RABGAP1L: variants seen among roughly 807,000 people sequenced by gnomAD.
RABGAP1L encodes RAB GTPase activating protein 1 like, also known as rab GTPase-activating protein 1-like.
Under a neutral mutation model 137.7 loss-of-function variants are expected in RABGAP1L, and 63 were observed. The observed-to-expected ratio is 0.46, with a 90% confidence interval of 0.37 to 0.56. The LOEUF is 0.56. Among genes scored for constraint, RABGAP1L ranks in the 20% least tolerant of loss-of-function variants. The pLI is 0.00. For missense variants in RABGAP1L, 1,095 were observed against 1,244.0 expected (o/e 0.88, Z 1.80); for synonymous variants, 431 against 433.7 (o/e 0.99, Z 0.08).
intron 7 of RABGAP1L, among the ~76,000 whole-genome samples, 176 bp from the exon 8 acceptor site, chr1:174,272,238 T>C (rs576702121): frequency 6.6e-6 from 1 of 152,110 alleles, no homozygotes; most frequent in Admixed American, 6.5e-5. Flanking sequence ...CTTATTTCTG[T>C]GTGATTTTAT....
chr1:174,242,643 C>A (rs527799076), intron 5 of RABGAP1L, among the ~76,000 whole-genome samples: 1 of 152,280 alleles, frequency 6.6e-6, no homozygotes, highest in Non-Finnish European at 1.5e-5. Context: ...CCCTGGTGAT[C>A]AGTTTGCTTT....
chr1:174,953,103 T>C (rs1017522863), intron 19 of RABGAP1L, among the ~76,000 whole-genome samples: 1 of 150,382 alleles, frequency 6.6e-6, no homozygotes, highest in African/African-American at 2.5e-5. Flanking sequence ...AAATAAGATA[T>C]GAAAGTAAGA....
intron 13 of RABGAP1L, among the ~76,000 whole-genome samples, chr1:174,421,464 T>A (rs931619131): frequency 1.3e-5 from 2 of 152,252 alleles, no homozygotes; most frequent in African/African-American, 2.4e-5. Flanking sequence ...CCAGAATTTT[T>A]AAACTATTTT....
chr1:174,223,018 C>G (rs202238958), intron 3 of RABGAP1L, among the ~76,000 whole-genome samples: 1 of 151,812 alleles, frequency 6.6e-6, no homozygotes, highest in East Asian at 1.9e-4. Context: ...GCCTGTAATC[C>G]CACCACTTTG....
At chr1:174,740,004 G>C (rs1683253289) in intron 17 of RABGAP1L, among the ~76,000 whole-genome samples, 1 of 152,036 alleles carries the variant, frequency 6.6e-6, no homozygotes, top group Admixed American at 6.5e-5. Flanking sequence ...CGATCCTCAG[G>C]GTATATTATT....
At chr1:174,987,622 G>GC (rs1457839953) in intron 24 of RABGAP1L, among the ~76,000 whole-genome samples, 2 of 152,176 alleles carry the variant, frequency 1.3e-5, no homozygotes, top group African/African-American at 4.8e-5. Context: ...AGGAGGATGG[G>GC]CACGGTGATG....
intron 13 of RABGAP1L, among the ~76,000 whole-genome samples, chr1:174,454,779 G>C (rs1381515546): frequency 6.6e-6 from 1 of 151,836 alleles, no homozygotes; most frequent in Non-Finnish European, 1.5e-5. Context: ...TCGATCTCCT[G>C]ACCTCCTCGT....
At chr1:174,820,251 C>T (rs567845539) in intron 19 of RABGAP1L, among the ~76,000 whole-genome samples, 1 of 152,212 alleles carries the variant, frequency 6.6e-6, no homozygotes. Flanking sequence ...AAAGGAAGGA[C>T]ATGGGGCCAG....
chr1:174,807,169 T>C (rs1429351027), intron 18 of RABGAP1L, among the ~76,000 whole-genome samples: 1 of 152,182 alleles, frequency 6.6e-6, no homozygotes, highest in Non-Finnish European at 1.5e-5. Flanking sequence ...TATGTAATGA[T>C]GGGGTAAAGG....
At chr1:174,875,746 G>C in intron 19 of RABGAP1L, 1 of 956,762 alleles carries the variant, frequency 1.0e-6, no homozygotes, top group Non-Finnish European at 1.2e-6. Flanking sequence ...ATAATGCCTT[G>C]TCTCCTGATT....
In RABGAP1L at chr1:174,924,541, G is replaced by A. The variant is rs114058970; in HGVS notation, c.2341-32916G>A. 7.6e-3 allele frequency among the ~76,000 whole-genome samples: 1,151 copies of A among 152,146 alleles called. 10 individuals carry two copies. Among genetic ancestry groups the A allele is most frequent in the Non-Finnish European group, 0.011 (731 of 67,990 alleles). On this transcript the variant is annotated intron_variant, in intron 19 of 25. Coordinates refer to ENST00000681986, the MANE Select transcript of RABGAP1L (RefSeq NM_001366446.1). ...AAAGGATGACTTTGCTTCCTACTTC[G>A]CAGAGCATTTAGGGTAATTGGATTC...
intron 13 of RABGAP1L, among the ~76,000 whole-genome samples, chr1:174,511,186 A>G (rs968655252): frequency 1.2e-4 from 19 of 152,346 alleles, no homozygotes; most frequent in African/African-American, 4.1e-4. Context: ...GATAAAGGAC[A>G]GCTTAGATTT....
intron 19 of RABGAP1L, chr1:174,897,506 G>A (rs998028444): frequency 1.3e-5 from 2 of 152,184 alleles, no homozygotes; most frequent in African/African-American, 4.8e-5. Flanking sequence ...CAGGAGCCTG[G>A]ACCCACCTAT....
rs192277290 is a variant in RABGAP1L at position 174,223,958 on chromosome 1, A to C, written c.331+2794A>C. On this transcript the variant is annotated intron_variant, in intron 3 of 25. Transcript: ENST00000681986. ...ATTCGCTTCACATACCACTGGGGGAAATGGTAACTATGCAGTAAATAGTGT... is the reference window on the plus strand; with the variant it reads ...ATTCGCTTCACATACCACTGGGGGACATGGTAACTATGCAGTAAATAGTGT... Among the ~76,000 whole-genome samples, 6 of 152,296 alleles carry C rather than the reference A, an allele frequency of 3.9e-5. No homozygotes were observed. The East Asian group carries it at 1.2e-3, about 29-fold the overall frequency.
intron 20 of RABGAP1L, among the ~76,000 whole-genome samples, chr1:174,958,615 T>G (rs184012411): frequency 1.3e-5 from 2 of 152,328 alleles, no homozygotes; most frequent in Admixed American, 1.3e-4. Flanking sequence ...GTTATCTTTA[T>G]GTGGTCAGAG....
At chr1:174,732,438 A>T (rs1682562996) in intron 17 of RABGAP1L, among the ~76,000 whole-genome samples, 1 of 152,172 alleles carries the variant, frequency 6.6e-6, no homozygotes, top group Non-Finnish European at 1.5e-5. Context: ...GACCTATGCT[A>T]CAGAATTCTG....
At chr1:174,178,662 A>T (rs189244469) in intron 1 of RABGAP1L, among the ~76,000 whole-genome samples, 1 of 152,354 alleles carries the variant, frequency 6.6e-6, no homozygotes, top group East Asian at 1.9e-4. Flanking sequence ...ATAAAAAAGA[A>T]TGAGTTCATG....
chr1:174,327,313 TA>T (rs1680518626), intron 11 of RABGAP1L, among the ~76,000 whole-genome samples: 1 of 136,344 alleles, frequency 7.3e-6, no homozygotes, highest in African/African-American at 2.9e-5. Context: ...TAATAAGGTA[TA>T]ATAATATAAT....
At chr1:174,238,833 A>C (rs1368283129) in intron 4 of RABGAP1L, 8 of 152,294 alleles carry the variant, frequency 5.3e-5, no homozygotes, top group African/African-American at 1.9e-4. Flanking sequence ...TTACCTAAGC[A>C]AGCCTGGGCA....
Sources: gnomAD v4.1 joint callset for allele counts (sites outside exome capture counted in the v4.1 genomes callset) on GRCh38, gnomAD v4.1.1 for gene constraint, MANE v1.5 for transcripts, NCBI Gene and HGNC (gene_info 2026-07-23, HGNC 2026-07-21) for gene names.